The following FAM135B variants were observed in gnomAD, a reference collection of about 807,000 sequenced individuals.
The protein encoded by FAM135B is family with sequence similarity 135 member B, also known as protein FAM135B.
Under a neutral mutation model 127.7 loss-of-function variants are expected in FAM135B, and 43 were observed. The observed-to-expected ratio is 0.34, with a 90% CI of 0.26 to 0.43. FAM135B has a LOEUF of 0.43. FAM135B is among the 20% of genes least tolerant of loss of function. FAM135B has a pLI of 1.00. For missense variants in FAM135B, 1,558 were observed against 1,725.6 expected (o/e 0.90, Z 1.72); for synonymous variants, 670 against 665.1 (o/e 1.01, Z -0.11).
chr8:138,344,577 C>CTTTT (rs869039075), intron 2 of FAM135B, among the ~76,000 whole-genome samples: 20,206 of 83,428 alleles, frequency 0.24, 1,919 homozygotes, highest in Middle Eastern at 0.37. Context: ...TTCTTTCTTT[C>CTTTT]TTTTTTTTTT....
At chr8:138,491,237 T>C (rs1232980082) in intron 1 of FAM135B, among the ~76,000 whole-genome samples, 1 of 151,708 alleles carries the variant, frequency 6.6e-6, no homozygotes, top group African/African-American at 2.4e-5. Flanking sequence ...ATATCATCAA[T>C]TAAAACATAG....
intron 1 of FAM135B, among the ~76,000 whole-genome samples, chr8:138,406,874 A>G (rs933840639): frequency 1.3e-5 from 2 of 150,934 alleles, no homozygotes; most frequent in African/African-American, 4.9e-5. Flanking sequence ...CTCTCTCACC[A>G]CTCCTATTCA....
At chr8:138,336,671 C>A (rs536825727) in intron 2 of FAM135B, among the ~76,000 whole-genome samples, 2 of 152,226 alleles carry the variant, frequency 1.3e-5, no homozygotes, top group Non-Finnish European at 1.5e-5. Flanking sequence ...CAAATTCCAC[C>A]AGAGGTACAA....
At chr8:138,474,211 G>A (rs897690157) in intron 1 of FAM135B, among the ~76,000 whole-genome samples, 2 of 152,130 alleles carry the variant, frequency 1.3e-5, no homozygotes, top group Non-Finnish European at 2.9e-5. Context: ...AGTCATTTGC[G>A]GAGGATGCCA....
At chr8:138,303,954 C>T (rs1386795340) in intron 3 of FAM135B, among the ~76,000 whole-genome samples, 2 of 152,194 alleles carry the variant, frequency 1.3e-5, no homozygotes, top group Non-Finnish European at 1.5e-5. Flanking sequence ...AACTTCAAAC[C>T]CTACTTCCTA....
chr8:138,469,438 A>G (rs1837559119), intron 1 of FAM135B, among the ~76,000 whole-genome samples: 1 of 152,146 alleles, frequency 6.6e-6, no homozygotes, highest in Admixed American at 6.5e-5. Flanking sequence ...CTTAATATAA[A>G]GCCAATGCTG....
At position 138,380,957 on chromosome 8, in the gene FAM135B, AAC is replaced by A. The variant is rs914190353; in HGVS notation, c.-19-12957_-19-12956del. On this transcript the variant is annotated intron_variant, in intron 1 of 19. Coordinates refer to ENST00000395297, the MANE Select transcript of FAM135B (RefSeq NM_015912.4). ...TCAGGCCCTCATATTAGAGCAACAA[AAC>A]ACACACATGCACAAAAAACAAACAA... 5.3e-5 allele frequency among the ~76,000 whole-genome samples: 8 copies of A among 151,390 alleles called. No homozygotes were observed. In the South Asian group the frequency reaches 6.3e-4, roughly 12 times the overall value.
At chr8:138,350,240 C>A (rs1829684603) in intron 2 of FAM135B, among the ~76,000 whole-genome samples, 1 of 152,254 alleles carries the variant, frequency 6.6e-6, no homozygotes, top group African/African-American at 2.4e-5. Flanking sequence ...TGAAGTGCTT[C>A]ATGTAAACAG....
intron 1 of FAM135B, among the ~76,000 whole-genome samples, chr8:138,384,326 A>G: frequency 6.6e-6 from 1 of 151,938 alleles, no homozygotes; most frequent in Non-Finnish European, 1.5e-5. Context: ...CCTAGTGGTA[A>G]CCTAGGCCCC....
chr8:138,190,933 T>C (rs892294992), intron 9 of FAM135B, among the ~76,000 whole-genome samples: 2 of 152,212 alleles, frequency 1.3e-5, no homozygotes, highest in African/African-American at 4.8e-5. Flanking sequence ...AGATCTTACA[T>C]GTACTGACTG....
intron 7 of FAM135B, among the ~76,000 whole-genome samples, chr8:138,222,758 A>T (rs1264093881): frequency 1.3e-5 from 2 of 151,490 alleles, no homozygotes; most frequent in Non-Finnish European, 2.9e-5. Flanking sequence ...TTTTTAAAAA[A>T]GATTCTGAAA....
chr8:138,372,145 T>C (rs1197116171), intron 1 of FAM135B, among the ~76,000 whole-genome samples: 1 of 152,172 alleles, frequency 6.6e-6, no homozygotes, highest in Non-Finnish European at 1.5e-5. Flanking sequence ...TGCAGATCTG[T>C]TCTGTTCAGA....
At chr8:138,401,249 G>C (rs1833138353) in intron 1 of FAM135B, among the ~76,000 whole-genome samples, 2 of 152,234 alleles carry the variant, frequency 1.3e-5, no homozygotes, top group African/African-American at 4.8e-5. Context: ...TGTCTCCCTA[G>C]CTCCCTTAAT....
chr8:138,421,995 A>T (rs2131458726), intron 1 of FAM135B, among the ~76,000 whole-genome samples: 1 of 152,210 alleles, frequency 6.6e-6, no homozygotes, highest in South Asian at 2.1e-4. Context: ...CACAACTACA[A>T]AGTCAACAAT....
chr8:138,168,956 CTTCTCCAGTCT>C (rs1820188472), intron 11 of FAM135B, among the ~76,000 whole-genome samples: 1 of 152,178 alleles, frequency 6.6e-6, no homozygotes. Flanking sequence ...GGAAGCCCCC[CTTCTCCAGTCT>C]TGTAGACCAG....
chr8:138,422,441 T>C (rs993914519), intron 1 of FAM135B, among the ~76,000 whole-genome samples: 1 of 152,070 alleles, frequency 6.6e-6, no homozygotes, highest in African/African-American at 2.4e-5. Flanking sequence ...AATAACCCCA[T>C]TTTTAAAAAG....
At chr8:138,310,727 C>T in intron 3 of FAM135B, 114 bp downstream of exon 3, 2 of 912,614 alleles carry the variant, frequency 2.2e-6, no homozygotes, top group Non-Finnish European at 3.3e-6. Context: ...CAACATTCAC[C>T]ACAGATTGAC....
At chr8:138,394,468 G>C (rs1832754335) in intron 1 of FAM135B, among the ~76,000 whole-genome samples, 2 of 152,218 alleles carry the variant, frequency 1.3e-5, no homozygotes, top group African/African-American at 4.8e-5. Flanking sequence ...AACAGAGTTA[G>C]AGCTGGGATT....
intron 9 of FAM135B, among the ~76,000 whole-genome samples, chr8:138,181,729 T>C (rs1815060267): frequency 6.6e-6 from 1 of 152,188 alleles, no homozygotes; most frequent in Non-Finnish European, 1.5e-5. Flanking sequence ...TCAACTTTTG[T>C]TTTAAATTCA....
Sources: allele counts gnomAD v4.1 joint callset (sites outside exome capture counted in the v4.1 genomes callset), GRCh38; gene constraint gnomAD v4.1.1; transcripts MANE v1.5; gene names NCBI Gene and HGNC (gene_info 2026-07-23, HGNC 2026-07-21).